NBAS: variants seen among roughly 807,000 people sequenced by gnomAD.
The protein encoded by NBAS is NAG/BC035112 fusion.
In NBAS, 219 loss-of-function variants were observed where a neutral mutation model predicts 302.5. The ratio of observed to expected loss-of-function variants is 0.72; its 90% CI spans 0.65 to 0.81. NBAS has a LOEUF of 0.81. Ranked by LOEUF, NBAS falls within the 30% of genes least tolerant of loss-of-function variation. The pLI is 0.00. For missense variants in NBAS, 2,932 were observed against 2,841.6 expected, an observed-to-expected ratio of 1.03 and a Z score of -0.72; for synonymous variants, 1,118 against 1,021.6, an observed-to-expected ratio of 1.09 and a Z score of -1.80.
At chr2:14,929,852 T>C in the NBAS span, among the ~76,000 whole-genome samples, 1 of 152,172 alleles carries the variant, frequency 6.6e-6, no homozygotes, top group Non-Finnish European at 1.5e-5. Flanking sequence ...TCAAATTTCA[T>C]GTTGAATTGT....
At chr2:15,438,818 C>G (rs977523653) in intron 21 of NBAS, among the ~76,000 whole-genome samples, 3 of 152,088 alleles carry the variant, frequency 2.0e-5, no homozygotes, top group Non-Finnish European at 2.9e-5. Context: ...ATTGACTAAG[C>G]ACTGCTCAGT....
At chr2:15,147,588 G>A in the NBAS span, among the ~76,000 whole-genome samples, 7 of 151,956 alleles carry the variant, frequency 4.6e-5, no homozygotes, top group Admixed American at 1.3e-4. Context: ...GCGAAACTCC[G>A]TCTCAAAAAA....
At chr2:15,147,112 T>C in the NBAS span, among the ~76,000 whole-genome samples, 1 of 152,254 alleles carries the variant, frequency 6.6e-6, no homozygotes, top group Non-Finnish European at 1.5e-5. Context: ...AAACCAACTG[T>C]TCTGGGTAGC....
In NBAS at chr2:15,500,114, G is replaced by A. The variant is rs1661438917; in HGVS notation, c.954+4031C>T. The stretch of plus-strand genomic sequence containing the variant: ...GTCCTTTCCAAGACAGGGTTTTTAA[G>A]AATATTAAACATCAGACCTTTGTAC... On this transcript the variant is annotated intron_variant, in intron 11 of 51. Coordinates refer to ENST00000281513, the MANE Select transcript of NBAS (RefSeq NM_015909.4). Among the ~76,000 whole-genome samples the A allele has an allele frequency of 5.9e-5, 9 of 152,238 alleles. No individual in the cohort carries two copies. The South Asian group carries it at 1.9e-3, about 32-fold the overall frequency.
chr2:15,050,669 C>T, the NBAS span, among the ~76,000 whole-genome samples: 2 of 152,152 alleles, frequency 1.3e-5, no homozygotes, highest in Non-Finnish European at 2.9e-5. Flanking sequence ...TACAGGCCAG[C>T]GTGGATGAGA....
At chr2:14,839,302 A>G in the NBAS span, among the ~76,000 whole-genome samples, 2 of 150,518 alleles carry the variant, frequency 1.3e-5, no homozygotes, top group African/African-American at 5.0e-5. Flanking sequence ...ATTTCACCCA[A>G]CTCAGGGTTT....
At chr2:15,401,258 T>TAA (rs1676138818) in intron 26 of NBAS, among the ~76,000 whole-genome samples, 1 of 152,104 alleles carries the variant, frequency 6.6e-6, no homozygotes, top group Admixed American at 6.6e-5. Flanking sequence ...CATGGTAGAT[T>TAA]GCAAAATTGG....
intron 11 of NBAS, among the ~76,000 whole-genome samples, 166 bp from the exon 12 acceptor site, chr2:15,489,188 C>T (rs2148612714): frequency 6.6e-6 from 1 of 152,098 alleles, no homozygotes; most frequent in East Asian, 1.9e-4. Flanking sequence ...GAGAAAAAGT[C>T]CTCCTGACCT....
At chr2:14,845,819 A>C in the NBAS span, among the ~76,000 whole-genome samples, 1 of 152,164 alleles carries the variant, frequency 6.6e-6, no homozygotes, top group African/African-American at 2.4e-5. Flanking sequence ...TAGAAGAAAG[A>C]ATTAGTGAGC....
chr2:14,943,999 A>T, the NBAS span, among the ~76,000 whole-genome samples: 75 of 152,088 alleles, frequency 4.9e-4, no homozygotes, highest in Non-Finnish European at 9.4e-4. Context: ...TCAACCAAAT[A>T]AAAAAAACTA....
At chr2:15,283,746 G>C (rs1299921140) in intron 42 of NBAS, among the ~76,000 whole-genome samples, 5 of 152,176 alleles carry the variant, frequency 3.3e-5, no homozygotes, top group Admixed American at 1.3e-4. Context: ...CCTCTAAGGT[G>C]AGGATAATGA....
chr2:15,346,442 C>T (rs1164664604), intron 35 of NBAS, among the ~76,000 whole-genome samples: 1 of 151,970 alleles, frequency 6.6e-6, no homozygotes, highest in Non-Finnish European at 1.5e-5. Context: ...AAATCAAAAC[C>T]ATAATGAGAT....
intron 32 of NBAS, 70 bp from the exon 33 acceptor site, chr2:15,356,486 CTG>C: frequency 9.7e-7 from 1 of 1,035,950 alleles, no homozygotes; most frequent in Non-Finnish European, 1.5e-6. Flanking sequence ...CTTGTTAACA[CTG>C]TCTTTCAAAT....
the NBAS span, among the ~76,000 whole-genome samples, chr2:15,007,856 C>T: frequency 1.3e-5 from 2 of 152,358 alleles, no homozygotes; most frequent in South Asian, 4.1e-4. Context: ...TAGTATACTG[C>T]ATGACTTTAA....
At chr2:15,096,339 C>A in the NBAS span, among the ~76,000 whole-genome samples, 1 of 152,192 alleles carries the variant, frequency 6.6e-6, no homozygotes, top group East Asian at 1.9e-4. Flanking sequence ...GCTCTTCCTG[C>A]TGTGAGTCAG....
At position 15,190,265 on chromosome 2, in the gene NBAS, C is replaced by A. The variant is rs1386224386; in HGVS notation, c.6571G>T (p.Val2191Phe). ...QAWPPMKSEY[V>F]ITNNPWVRLA... ...CGCTAATTTTATGTTAATACTTACA[C>A]ATATTCACTTTTCATAGGTGGCCAA... The change falls in exon 49 of 52, where the codon GTC becomes TTC. Residue 2191 changes from valine (V) to phenylalanine (F), a missense_variant and splice_region_variant. Physicochemically the swap from Val to Phe is conservative, Grantham distance 50 (BLOSUM62 -1). Coordinates refer to ENST00000281513, the MANE Select transcript of NBAS (RefSeq NM_015909.4). 1 of 1,613,732 alleles carries A rather than the reference C, an allele frequency of 6.2e-7. No individual in the cohort carries two copies. Among genetic ancestry groups the A allele is most frequent in the Non-Finnish European group, 8.5e-7 (1 of 1,179,854 alleles).
chr2:14,878,163 T>G, the NBAS span, among the ~76,000 whole-genome samples: 1 of 152,202 alleles, frequency 6.6e-6, no homozygotes, highest in Non-Finnish European at 1.5e-5. Flanking sequence ...CCTTATTGCC[T>G]ACTTCCTCAG....
At chr2:15,044,174 T>C in the NBAS span, among the ~76,000 whole-genome samples, 1 of 152,202 alleles carries the variant, frequency 6.6e-6, no homozygotes, top group South Asian at 2.1e-4. Context: ...AATTCCCCAG[T>C]TGTGCTTCCA....
intron 34 of NBAS, 55 bp from the exon 35 acceptor site, chr2:15,352,136 C>T: frequency 8.1e-7 from 1 of 1,234,596 alleles, no homozygotes; most frequent in Non-Finnish European, 1.2e-6. Flanking sequence ...ATTTGCTTCT[C>T]ATCACAATAT....
Sources: allele counts gnomAD v4.1 joint callset (sites outside exome capture counted in the v4.1 genomes callset), GRCh38; gene constraint gnomAD v4.1.1; transcripts MANE v1.5; gene names NCBI Gene and HGNC (gene_info 2026-07-23, HGNC 2026-07-21).